The following TOM1L2 variants were observed in gnomAD, a reference collection of about 807,000 sequenced individuals.
TOM1L2 encodes target of myb1 like 2 membrane trafficking protein, also known as TOM1-like protein 2.
A neutral mutation model predicts 67.9 loss-of-function variants in TOM1L2; 31 were observed. The observed-to-expected ratio is 0.46, with a 90% confidence interval of 0.34 to 0.62. The LOEUF (loss-of-function observed/expected upper bound fraction) is 0.62, where lower values mean the gene tolerates loss of function less well. Ranked by LOEUF, TOM1L2 falls within the 20% of genes least tolerant of loss-of-function variation. The pLI, the probability that TOM1L2 is intolerant of heterozygous loss-of-function variation, is 0.01. For missense variants in TOM1L2, 606 were observed against 663.5 expected, an observed-to-expected ratio of 0.91 and a Z score of 0.95; for synonymous variants, 256 against 254.0, an observed-to-expected ratio of 1.01 and a Z score of -0.07.
intron 12 of TOM1L2, among the ~76,000 whole-genome samples, chr17:17,854,058 G>C (rs1420532900): frequency 1.3e-5 from 2 of 152,186 alleles, no homozygotes; most frequent in African/African-American, 4.8e-5. Context: ...GGTGGAGCAG[G>C]GTGATGGTTA....
At chr17:17,969,329 T>C (rs1049168042) in intron 1 of TOM1L2, among the ~76,000 whole-genome samples, 5 of 152,194 alleles carry the variant, frequency 3.3e-5, no homozygotes, top group African/African-American at 9.7e-5. Context: ...GTGCTGGGAT[T>C]ACAGGCATGA....
chr17:17,971,816 T>C (rs1012226211), intron 1 of TOM1L2, among the ~76,000 whole-genome samples: 5 of 152,246 alleles, frequency 3.3e-5, no homozygotes, highest in Admixed American at 1.3e-4. Context: ...CGAGTCCAAG[T>C]TGGGCCTCAG....
At chr17:17,860,988 A>G (rs891045016) in intron 12 of TOM1L2, among the ~76,000 whole-genome samples, 4 of 152,198 alleles carry the variant, frequency 2.6e-5, no homozygotes, top group Admixed American at 6.5e-5. Context: ...CTGCTAGGCC[A>G]GTGACAAATG....
At chr17:17,912,565 C>T (rs1284053927) in intron 1 of TOM1L2, among the ~76,000 whole-genome samples, 2 of 149,046 alleles carry the variant, frequency 1.3e-5, no homozygotes, top group South Asian at 2.1e-4. Context: ...GGGGCAGAGG[C>T]GCTCCCCACA....
chr17:17,921,962 G>T (rs751008531), intron 1 of TOM1L2, among the ~76,000 whole-genome samples: 5 of 151,326 alleles, frequency 3.3e-5, no homozygotes, highest in Admixed American at 6.6e-5. Flanking sequence ...CCTTTTTTTT[G>T]AGCTTCTCCC....
chr17:17,897,896 G>A (rs2038652010), intron 3 of TOM1L2, among the ~76,000 whole-genome samples: 1 of 151,812 alleles, frequency 6.6e-6, no homozygotes, highest in Non-Finnish European at 1.5e-5. Context: ...CCAGGCAGGG[G>A]CAGGTACTCA....
At chr17:17,907,800 GAGGATATT>G in intron 1 of TOM1L2, among the ~76,000 whole-genome samples, 1 of 152,288 alleles carries the variant, frequency 6.6e-6, no homozygotes. Flanking sequence ...CCCCAAACAT[GAGGATATT>G]AGGTTTATGA....
chr17:17,878,657 T>A (rs921314868), intron 7 of TOM1L2, among the ~76,000 whole-genome samples: 1 of 152,174 alleles, frequency 6.6e-6, no homozygotes, highest in African/African-American at 2.4e-5. Flanking sequence ...CAGACACAAA[T>A]GGCAGTATCA....
chr17:17,926,427 G>T (rs1163076339), intron 1 of TOM1L2, among the ~76,000 whole-genome samples: 1 of 152,086 alleles, frequency 6.6e-6, no homozygotes, highest in East Asian at 1.9e-4. Flanking sequence ...GGGAGATGCG[G>T]ACATAAATGT....
intron 1 of TOM1L2, among the ~76,000 whole-genome samples, chr17:17,934,029 GA>G (rs1190840605): frequency 6.6e-6 from 1 of 151,210 alleles, no homozygotes; most frequent in Non-Finnish European, 1.5e-5. Flanking sequence ...ACTAGGTTAG[GA>G]AAAAAAAATC....
chr17:17,966,918 C>T (rs951665628), intron 1 of TOM1L2, among the ~76,000 whole-genome samples: 1 of 152,190 alleles, frequency 6.6e-6, no homozygotes, highest in African/African-American at 2.4e-5. Context: ...TTTGCAAATT[C>T]CTGCCCTTGA....
intron 7 of TOM1L2, chr17:17,869,727 G>A: frequency 8.5e-7 from 1 of 1,171,026 alleles, no homozygotes; most frequent in African/African-American, 1.6e-5. Flanking sequence ...GTACATGCTT[G>A]TACAAATCAT....
Position 17,847,191 on chromosome 17 carries a change from A to C in TOM1L2, c.*444T>G. ...CACCCTGCTCTTCCAGAGATGCCAC[A>C]AAGCCCCTTCAGGGAGAGAGGGGCC... On this transcript the variant is annotated 3_prime_UTR_variant, in exon 15 of 15. Transcript: ENST00000379504. The C allele has an allele frequency of 5.2e-6, 1 of 193,114 alleles. No homozygotes were observed. Among genetic ancestry groups the C allele is most frequent in the East Asian group, 1.5e-4 (1 of 6,758 alleles). 12.0% of individuals were successfully genotyped at this position (193,114 alleles called of 1,614,324 possible).
intron 1 of TOM1L2, among the ~76,000 whole-genome samples, chr17:17,934,778 T>C (rs1156520417): frequency 1.3e-5 from 2 of 152,232 alleles, no homozygotes; most frequent in African/African-American, 4.8e-5. Context: ...GGCATGACTG[T>C]GTATGCAGGG....
In TOM1L2 at chr17:17,879,622, C is replaced by T; in HGVS notation, c.777+5G>A. 1 of 1,611,016 alleles carries T rather than the reference C, an allele frequency of 6.2e-7. No homozygotes were observed. Among genetic ancestry groups the T allele is most frequent in the Non-Finnish European group, 8.5e-7 (1 of 1,177,130 alleles). ...CAGGCCAAGTGCTTCTGAAAGATGA[C>T]TCACCTGCAGCAACTCCAGATCAGA... On this transcript the variant is annotated splice_donor_5th_base_variant and intron_variant, in intron 7 of 14. Coordinates refer to ENST00000379504, the MANE Select transcript of TOM1L2 (RefSeq NM_001082968.2).
intron 1 of TOM1L2, among the ~76,000 whole-genome samples, chr17:17,929,881 A>G (rs368290783): frequency 6.6e-6 from 1 of 152,192 alleles, no homozygotes; most frequent in Admixed American, 6.5e-5. Context: ...ACACTTAGAC[A>G]AGTTAAACAC....
In TOM1L2 at chr17:17,850,942, G is replaced by C; in HGVS notation, c.1289C>G (p.Ala430Gly). The C allele has an allele frequency of 6.2e-7, 1 of 1,613,896 alleles. No individual in the cohort carries two copies. The highest frequency in any genetic ancestry group is 8.5e-7 in the Non-Finnish European group (1 of 1,180,022). ...AATGTCGTCCATGACAGATGGCTGC[G>C]CAACGGGGATCTATGGAGGCGGCAA... ...RKQSSEGIPVAQPSVMDDIEV... is the reference protein window; with the variant it reads ...RKQSSEGIPVGQPSVMDDIEV... The change falls in exon 13 of 15, where the codon GCG (alanine) becomes GGG (glycine). Residue 430 changes from alanine to glycine, a missense_variant. By Grantham distance (60) the Ala-to-Gly change is moderately conservative. Transcript: ENST00000379504.
intron 1 of TOM1L2, among the ~76,000 whole-genome samples, chr17:17,950,462 C>CT (rs1002265522): frequency 1.1e-3 from 167 of 147,848 alleles, no homozygotes; most frequent in Middle Eastern, 3.6e-3. Flanking sequence ...CCTAGCCTCT[C>CT]TTTTTTTTTT....
rs1193449108 is a variant in TOM1L2 at position 17,869,453 on chromosome 17, C to T, written c.798G>A (p.Arg266=). The T allele has an allele frequency of 2.5e-6, 4 of 1,611,018 alleles. No individual in the cohort carries two copies. Among genetic ancestry groups the T allele is most frequent in the Non-Finnish European group, 2.5e-6 (3 of 1,178,790 alleles). The change falls in exon 8 of 15, where the codon CGG becomes CGA. Residue 266 remains arginine (R), a synonymous_variant. Coordinates refer to ENST00000379504, the MANE Select transcript of TOM1L2 (RefSeq NM_001082968.2). ...GCTCCACGATGCGCTGCTGCATGGC[C>T]CGACAGGTCCTGTTGAGCTCCTAGG... The part of the protein sequence containing the change: ...ELLQELNRTC[R]AMQQRIVELI...
Sources: allele counts gnomAD v4.1 joint callset (sites outside exome capture counted in the v4.1 genomes callset), GRCh38; gene constraint gnomAD v4.1.1; transcripts MANE v1.5; gene names NCBI Gene and HGNC (gene_info 2026-07-23, HGNC 2026-07-21).